The following EFHB variants were observed in gnomAD, a reference collection of about 807,000 sequenced individuals.
EFHB encodes the protein EF-hand domain-containing family member B.
In EFHB, 91 loss-of-function variants were observed where a neutral mutation model predicts 87.2. The observed-to-expected ratio is 1.04, with a 90% CI of 0.88 to 1.24. EFHB has a LOEUF of 1.24. Among genes scored for constraint, EFHB ranks in the 50% most tolerant of loss-of-function variants. The pLI, the probability that EFHB is intolerant of heterozygous loss-of-function variation, is 0.00. For missense variants in EFHB, 1,084 were observed against 998.8 expected (o/e 1.09, Z -1.15); for synonymous variants, 325 against 333.6 (o/e 0.97, Z 0.28).
chr3:19,913,526 T>G (rs1695129628), intron 5 of EFHB, among the ~76,000 whole-genome samples: 1 of 152,150 alleles, frequency 6.6e-6, no homozygotes, highest in Non-Finnish European at 1.5e-5. Flanking sequence ...TATAAAACAC[T>G]GATGAAAGAA....
intron 9 of EFHB, among the ~76,000 whole-genome samples, chr3:19,890,882 C>T (rs1446110507): frequency 6.6e-6 from 1 of 152,114 alleles, no homozygotes; most frequent in Non-Finnish European, 1.5e-5. Context: ...CCATGGAGGC[C>T]TTCTGACTCT....
chr3:19,902,358 T>G (rs1361031200), intron 6 of EFHB, among the ~76,000 whole-genome samples: 1 of 152,086 alleles, frequency 6.6e-6, no homozygotes, highest in African/African-American at 2.4e-5. Flanking sequence ...TTGTTTGTTT[T>G]TGTTTTTGTT....
At chr3:19,906,722 A>C (rs1196253371) in intron 5 of EFHB, among the ~76,000 whole-genome samples, 1 of 151,972 alleles carries the variant, frequency 6.6e-6, no homozygotes, top group Admixed American at 6.6e-5. Flanking sequence ...TTAAAAATTT[A>C]TATAGAACCA....
intron 11 of EFHB, 47 bp from the exon 12 acceptor site, chr3:19,882,778 G>A: frequency 6.5e-7 from 1 of 1,534,088 alleles, no homozygotes. Context: ...AAACAAAGCT[G>A]TGTAACACAG....
intron 4 of EFHB, among the ~76,000 whole-genome samples, chr3:19,916,629 T>C (rs1238358068): frequency 1.3e-5 from 2 of 152,208 alleles, no homozygotes; most frequent in African/African-American, 4.8e-5. Context: ...CTACTGGTCC[T>C]AAATCTGGAA....
At chr3:19,938,854 C>G (rs59621215), upstream of EFHB, among the ~76,000 whole-genome samples, 1,180 of 152,248 alleles carry the variant, frequency 7.8e-3, 18 homozygotes, top group African/African-American at 0.027. Flanking sequence ...TACAGCTCAA[C>G]CCAGGGCGTG....
In EFHB at chr3:19,934,106, T is replaced by C. The variant is rs1695938962; in HGVS notation, c.-88A>G. ...TGGCTACAAAGACGCCTCCAATCCC[T>C]TGCGGAACCCCTCTCTCAGGAAAGA... On this transcript the variant is annotated 5_prime_UTR_variant, in exon 1 of 13. Transcript: ENST00000295824. The C allele has an allele frequency of 2.7e-6, 4 of 1,474,370 alleles. No homozygotes were observed. The highest frequency in any genetic ancestry group is 2.4e-5 in the Admixed American group (1 of 41,816). The allele number at this position is 1,474,370 out of a possible 1,614,324, so 91.3% of individuals were successfully genotyped here. A position where few individuals can be genotyped will look rare whatever the true frequency, so the allele number is the denominator to read the frequency against.
intron 1 of EFHB, among the ~76,000 whole-genome samples, chr3:19,925,444 C>A (rs1221133628): frequency 2.6e-5 from 4 of 152,036 alleles, no homozygotes; most frequent in Non-Finnish European, 4.4e-5. Context: ...ATTCTATTCT[C>A]CTTTCCATAT....
chr3:19,893,500 T>G (rs1014787641), intron 9 of EFHB, among the ~76,000 whole-genome samples: 3 of 152,162 alleles, frequency 2.0e-5, no homozygotes, highest in East Asian at 3.9e-4. Flanking sequence ...AGACCCAGGA[T>G]GTTCAGGGGA....
chr3:19,897,223 C>A (rs558329886), intron 8 of EFHB, among the ~76,000 whole-genome samples: 2 of 152,334 alleles, frequency 1.3e-5, no homozygotes, highest in South Asian at 4.1e-4. Flanking sequence ...GGGGACCACT[C>A]AGTGTGCCTT....
chr3:19,929,662 T>C (rs1457636125), intron 1 of EFHB, among the ~76,000 whole-genome samples: 1 of 131,224 alleles, frequency 7.6e-6, no homozygotes, highest in Non-Finnish European at 1.5e-5. Flanking sequence ...CGAGCCGAGA[T>C]GGTGCCACTG....
chr3:19,883,332 T>C lies in EFHB; in HGVS notation c.2147-601A>G, dbSNP rs138684638. ...TCTTTAATGCTAAAAAGTTTGTAAA[T>C]ACATAGATGACTTCAATTTTATTTC... On this transcript the variant is annotated intron_variant, in intron 11 of 12. Transcript: ENST00000295824. Among the ~76,000 whole-genome samples the C allele has an allele frequency of 3.4e-3, 516 of 152,248 alleles. 3 individuals carry two copies. The highest frequency in any genetic ancestry group is 0.02 in the Middle Eastern group (6 of 294).
rs1446263017 is a variant in EFHB, at chr3:19,919,927, G to A, written c.902C>T (p.Pro301Leu). ...GTAAAATACTCTTTCTACTCCAGCA[G>A]GTGGATATCTGAAGTTGAAATACTT... Reference protein sequence around the residue: ...AKKYFNFRYPPAGVERVFYGR... With the variant: ...AKKYFNFRYPLAGVERVFYGR... Residue 301 changes from proline to leucine, a missense_variant, in exon 3 of 13, where the codon CCT becomes CTT. Coordinates refer to ENST00000295824, the MANE Select transcript of EFHB (RefSeq NM_144715.4). 1 of 1,613,746 alleles carries A rather than the reference G, an allele frequency of 6.2e-7. No individual in the cohort carries two copies. The highest frequency in any genetic ancestry group is 8.5e-7 in the Non-Finnish European group (1 of 1,179,752).
In EFHB at chr3:19,884,562, G is replaced by C; in HGVS notation, c.1987C>G (p.Gln663Glu). 1 of 1,613,938 alleles carries C rather than the reference G, an allele frequency of 6.2e-7. No individual in the cohort carries two copies. The highest frequency in any genetic ancestry group is 8.5e-7 in the Non-Finnish European group (1 of 1,179,880). ...TCTTCTGGCTTTATGAGGAGAGTTT[G>C]TTCAGGTTCTTCAACATTAGCCTCA... ...PTEANVEEPE[Q>E]TLLIKPEDIV... The change falls in exon 11 of 13, where the codon CAA (glutamine) becomes GAA (glutamate). Residue 663 changes from glutamine (Q) to glutamate (E), a missense_variant. Gln to Glu is a conservative substitution (Grantham distance 29). Transcript: ENST00000295824.
upstream of EFHB, chr3:19,936,068 A>G: frequency 7.8e-7 from 1 of 1,282,510 alleles, no homozygotes. Context: ...GGATTCCAGA[A>G]CTCTACAAAA....
At chr3:19,935,002 C>G (rs986307321), upstream of EFHB, among the ~76,000 whole-genome samples, 5 of 152,120 alleles carry the variant, frequency 3.3e-5, no homozygotes, top group African/African-American at 9.6e-5. Flanking sequence ...ACTCCGCCTC[C>G]TGGGTCCAAG....
chr3:19,894,259 T>G (rs1208174876), intron 9 of EFHB, among the ~76,000 whole-genome samples: 1 of 152,190 alleles, frequency 6.6e-6, no homozygotes. Context: ...CATACTCTCA[T>G]CATGGTAATT....
At chr3:19,944,937 G>A (rs371036555) in intron 1 of EFHB, among the ~76,000 whole-genome samples, 1 of 152,166 alleles carries the variant, frequency 6.6e-6, no homozygotes, top group Non-Finnish European at 1.5e-5. Flanking sequence ...GAAAGGCTAA[G>A]GAGAAAAGTC....
chr3:19,905,888 GAT>G, intron 5 of EFHB, 139 bp from the exon 6 acceptor site: 1 of 1,060,636 alleles, frequency 9.4e-7, no homozygotes, highest in Non-Finnish European at 1.3e-6. Context: ...AAACTGCACA[GAT>G]TTAGCTACAG....
Sources: gnomAD v4.1 joint callset for allele counts (sites outside exome capture counted in the v4.1 genomes callset) on GRCh38, gnomAD v4.1.1 for gene constraint, MANE v1.5 for transcripts, NCBI Gene and HGNC (gene_info 2026-07-23, HGNC 2026-07-21) for gene names.